WDR20: variants seen among roughly 807,000 people sequenced by gnomAD.
WDR20 encodes the protein WD repeat-containing protein 20.
In WDR20, 3 loss-of-function variants were observed where a neutral mutation model predicts 38.7. That is an observed-to-expected ratio of 0.08 (90% CI 0.04 to 0.20). The LOEUF is 0.20. Among genes scored for constraint, WDR20 ranks in the 10% least tolerant of loss-of-function variants. The pLI is 1.00. For synonymous variants in WDR20, 298 were observed against 285.6 expected (o/e 1.04, Z -0.44); for missense variants, 559 against 727.7 (o/e 0.77, Z 2.67).
chr14:102,175,426 A>G (rs1038737733), intron 1 of WDR20, among the ~76,000 whole-genome samples: 1 of 152,170 alleles, frequency 6.6e-6, no homozygotes, highest in African/African-American at 2.4e-5. Flanking sequence ...TTTTTATACC[A>G]GTACTATGCT....
chr14:102,162,812 G>T (rs556914942), intron 1 of WDR20, among the ~76,000 whole-genome samples: 5 of 152,016 alleles, frequency 3.3e-5, no homozygotes, highest in Admixed American at 2.6e-4. Context: ...GGGTTTTGCC[G>T]TGTAGCCCAG....
At chr14:102,149,408 G>GA (rs778829731) in intron 1 of WDR20, among the ~76,000 whole-genome samples, 1 of 152,186 alleles carries the variant, frequency 6.6e-6, no homozygotes, top group Non-Finnish European at 1.5e-5. Context: ...GTATCAAGTG[G>GA]AATTAAGGAG....
intron 2 of WDR20, among the ~76,000 whole-genome samples, chr14:102,201,437 A>C (rs1285503904): frequency 2.0e-5 from 3 of 152,240 alleles, no homozygotes; most frequent in African/African-American, 4.8e-5. Flanking sequence ...ACAAAATGAC[A>C]CTTTGATGTG....
intron 1 of WDR20, among the ~76,000 whole-genome samples, chr14:102,191,582 G>A (rs1337036444): frequency 6.6e-6 from 1 of 152,210 alleles, no homozygotes; most frequent in African/African-American, 2.4e-5. Context: ...GCTCCAAAAA[G>A]CTCTGGCCCA....
At chr14:102,142,027 A>G (rs966957808) in intron 1 of WDR20, among the ~76,000 whole-genome samples, 1 of 152,194 alleles carries the variant, frequency 6.6e-6, no homozygotes, top group African/African-American at 2.4e-5. Context: ...TGGAAGTATC[A>G]TTACAATAGT....
At chr14:102,165,765 T>C (rs576539179) in intron 1 of WDR20, among the ~76,000 whole-genome samples, 1 of 151,666 alleles carries the variant, frequency 6.6e-6, no homozygotes, top group Non-Finnish European at 1.5e-5. Context: ...GCCTCCCAAG[T>C]AGCTGGGACT....
At chr14:102,200,570 A>G (rs1405515383) in intron 2 of WDR20, among the ~76,000 whole-genome samples, 3 of 151,794 alleles carry the variant, frequency 2.0e-5, no homozygotes, top group South Asian at 2.1e-4. Context: ...TTGGGGAGGA[A>G]GAGTTACAAA....
chr14:102,202,372 G>GTTTTT (rs5811062), intron 2 of WDR20, among the ~76,000 whole-genome samples: 16 of 67,660 alleles, frequency 2.4e-4, no homozygotes, highest in Non-Finnish European at 2.8e-4. Context: ...CTGTATGGAG[G>GTTTTT]TTTTTTTTTT....
chr14:102,193,333 A>G, intron 1 of WDR20: 1 of 864,038 alleles, frequency 1.2e-6, no homozygotes, highest in Admixed American at 2.2e-5. Flanking sequence ...CTTGCTGTAC[A>G]GCGGCCGCTC....
rs939833204 is a variant in WDR20 at position 102,221,774 on chromosome 14, C to T, written c.1693-1056C>T. Reference sequence around the variant, plus strand: ...ATTGTCACCTTCATTTGTGTCCACACAAGTCCAATATGTGAGAAGGTAGCA... The same window carrying T: ...ATTGTCACCTTCATTTGTGTCCACATAAGTCCAATATGTGAGAAGGTAGCA... On this transcript the variant is annotated intron_variant, in intron 3 of 3. Transcript: ENST00000335263. The surrounding 1 kb of genome is among the most constrained non-coding windows in gnomAD (Gnocchi z 4.8). Among the ~76,000 whole-genome samples the T allele has an allele frequency of 8.5e-5, 13 of 152,172 alleles. No individual in the cohort carries two copies. Among genetic ancestry groups the T allele is most frequent in the South Asian group, 2.1e-4 (1 of 4,830 alleles).
chr14:102,194,175 G>C (rs1199103852), intron 1 of WDR20, among the ~76,000 whole-genome samples: 1 of 152,184 alleles, frequency 6.6e-6, no homozygotes, highest in African/African-American at 2.4e-5. Flanking sequence ...TCTGTAAAAT[G>C]GGTAAAATAT....
chr14:102,212,635 C>T (rs2062698230), downstream of WDR20: 14 of 1,534,912 alleles, frequency 9.1e-6, no homozygotes, highest in South Asian at 1.4e-4. Flanking sequence ...AGGGAAGCGC[C>T]CTTCTCCTCG....
chr14:102,188,107 T>C (rs1428389051), intron 1 of WDR20, among the ~76,000 whole-genome samples: 1 of 152,198 alleles, frequency 6.6e-6, no homozygotes, highest in Non-Finnish European at 1.5e-5. Flanking sequence ...TCCACCTGAT[T>C]CATTTAAAAT....
chr14:102,208,950 C>T lies in WDR20; in HGVS notation c.780C>T (p.Ser260=). The T allele has an allele frequency of 6.2e-7, 1 of 1,614,190 alleles. No individual in the cohort carries two copies. The highest frequency in any genetic ancestry group is 8.5e-7 in the Non-Finnish European group (1 of 1,180,040). Residue 260 remains serine (S), a synonymous_variant, in exon 3 of 3, where the codon AGC becomes AGT. Transcript: ENST00000342702. This position sits in a 1 kb window ranked among gnomAD's most constrained non-coding sequence, Gnocchi z 5.6. ...DSVELHGTMK[S]YFGGLLCVCW... ...TGGAGCTGCACGGTACGATGAAAAGCTACTTTGGGGGCTTGCTGTGTGTGT... is the reference window on the plus strand; with the variant it reads ...TGGAGCTGCACGGTACGATGAAAAGTTACTTTGGGGGCTTGCTGTGTGTGT...
intron 1 of WDR20, among the ~76,000 whole-genome samples, chr14:102,178,358 C>T (rs908467001): frequency 2.0e-5 from 3 of 150,872 alleles, no homozygotes; most frequent in Non-Finnish European, 4.4e-5. Flanking sequence ...TGCCATTGCA[C>T]TCCAGCCTGG....
chr14:102,221,693 G>C lies in WDR20; in HGVS notation c.1693-1137G>C, dbSNP rs1162349883. Among the ~76,000 whole-genome samples, 1 of 152,224 alleles carries C rather than the reference G, an allele frequency of 6.6e-6. No individual in the cohort carries two copies. Among genetic ancestry groups the C allele is most frequent in the Non-Finnish European group, 1.5e-5 (1 of 68,034 alleles). ...GGGATGAAATGACTTGAGCGGGACA[G>C]CTTGCTTCCAGGCTTCCGGCAGCAG... On this transcript the variant is annotated intron_variant, in intron 3 of 3. Transcript: ENST00000335263. The surrounding 1 kb of genome is among the most constrained non-coding windows in gnomAD (Gnocchi z 4.8).
intron 1 of WDR20, among the ~76,000 whole-genome samples, chr14:102,165,036 A>G (rs937506406): frequency 6.6e-6 from 1 of 152,200 alleles, no homozygotes; most frequent in Non-Finnish European, 1.5e-5. Context: ...GCAGCTTAAG[A>G]TCTGCCTTCT....
downstream of WDR20, chr14:102,214,731 G>A (rs2063000756): frequency 1.0e-6 from 1 of 980,570 alleles, no homozygotes; most frequent in Non-Finnish European, 1.2e-6. Context: ...CCAATTTCTT[G>A]ACAACTTGAA....
At chr14:102,178,576 GC>G (rs1397934567) in intron 1 of WDR20, among the ~76,000 whole-genome samples, 1 of 151,814 alleles carries the variant, frequency 6.6e-6, no homozygotes, top group African/African-American at 2.4e-5. Flanking sequence ...AAGATTCTGG[GC>G]CCCTGCACTT....
Sources: allele counts gnomAD v4.1 joint callset (sites outside exome capture counted in the v4.1 genomes callset), GRCh38; gene constraint gnomAD v4.1.1; non-coding constraint Gnocchi (gnomAD v3.1); transcripts MANE v1.5; gene names NCBI Gene and HGNC (gene_info 2026-07-23, HGNC 2026-07-21).